Variants in DPF2 observed in about 807,000 individuals in gnomAD.
DPF2 encodes the protein zinc finger protein ubi-d4.
A neutral mutation model predicts 59.6 loss-of-function variants in DPF2; 10 were observed. The observed-to-expected ratio is 0.17, with a 90% CI of 0.10 to 0.28. The LOEUF (loss-of-function observed/expected upper bound fraction) is 0.28, where lower values mean the gene tolerates loss of function less well. Among genes scored for constraint, DPF2 ranks in the 10% least tolerant of loss-of-function variants. DPF2 has a pLI of 1.00. For synonymous variants in DPF2, 189 were observed against 190.6 expected (o/e 0.99, Z 0.07); for missense variants, 315 against 509.4 (o/e 0.62, Z 3.67).
Position 65,348,843 on chromosome 11 carries a change from A to C in DPF2, c.1018-7A>C. 6.2e-7 allele frequency: 1 copy of C among 1,614,016 alleles called. No homozygotes were observed. On this transcript the variant is annotated splice_region_variant and splice_polypyrimidine_tract_variant and intron_variant, in intron 9 of 10. Transcript: ENST00000528416. ...GTCCCCATCCTCTTCCCTCTTGCCT[A>C]CTTCAGGACCAGTTGCTCTTCTGTG...
rs1322281432 is a variant in DPF2, at chr11:65,354,136, C to T, written c.*2377C>T. ...GCGAGGCTGGAGAGCAGCTGGGCTG[C>T]GGGTCAAGACGTCTGCGTTTAATTC... is the stretch of plus-strand genomic sequence containing the variant. On this transcript the variant is annotated 3_prime_UTR_variant, in exon 11 of 11. Coordinates refer to ENST00000528416, the MANE Select transcript of DPF2 (RefSeq NM_006268.5). Among the ~76,000 whole-genome samples the T allele has an allele frequency of 6.6e-6, 1 of 152,116 alleles. No individual in the cohort carries two copies. The highest frequency in any genetic ancestry group is 2.4e-5 in the African/African-American group (1 of 41,422).
At chr11:65,345,046 T>C in intron 6 of DPF2, 1 of 193,944 alleles carries the variant, frequency 5.2e-6, no homozygotes, top group Non-Finnish European at 1.0e-5. Context: ...ACAAAATGCC[T>C]CATGGGGATC....
chr11:65,351,903 C>T lies in DPF2; in HGVS notation c.*144C>T. 1.1e-6 allele frequency: 1 copy of T among 917,590 alleles called. No homozygotes were observed. The highest frequency in any genetic ancestry group is 3.4e-4 in the Middle Eastern group (1 of 2,906). The allele number at this position is 917,590 out of a possible 1,614,324, so 56.8% of individuals were successfully genotyped here. ...GGTTGTGCCAGCCTGCCTTTGGCAG[C>T]TGCAAGCTGAGGTGGCAGCTCTGAC... is the stretch of plus-strand genomic sequence containing the variant. On this transcript the variant is annotated 3_prime_UTR_variant, in exon 11 of 11. Transcript: ENST00000528416.
chr11:65,344,495 C>G (rs968558093), intron 6 of DPF2: 1 of 1,390,804 alleles, frequency 7.2e-7, no homozygotes, highest in African/African-American at 1.4e-5. Flanking sequence ...GTTTCTCTCT[C>G]GTTTGCTCTG....
chr11:65,344,520 C>T (rs924676674), intron 6 of DPF2: 12 of 1,499,924 alleles, frequency 8.0e-6, no homozygotes, highest in Middle Eastern at 1.7e-4. Context: ...CCTGCTGCTG[C>T]TGCTCCTGTC....
chr11:65,344,961 C>T (rs1854486142), intron 6 of DPF2: 1 of 336,574 alleles, frequency 3.0e-6, no homozygotes, highest in Non-Finnish European at 5.4e-6. Flanking sequence ...GCCCCACCAC[C>T]TCCTCCTGCC....
intron 10 of DPF2, among the ~76,000 whole-genome samples, chr11:65,350,704 A>G (rs1854670894): frequency 6.6e-6 from 1 of 151,624 alleles, no homozygotes; most frequent in Non-Finnish European, 1.5e-5. Flanking sequence ...CCTTAAAAAT[A>G]TAAAAACTGG....
At position 65,345,684 on chromosome 11, in the gene DPF2, A is replaced by G. The variant is rs1170347354; in HGVS notation, c.656A>G (p.Lys219Arg). Reference protein sequence around the residue: ...YACDICGKRYKNRPGLSYHYA... With the variant: ...YACDICGKRYRNRPGLSYHYA... ...CACTCAGTTTGTGGAAAACGTTACA[A>G]GAACCGACCAGGCCTCAGTTACCAC... The change falls in exon 7 of 11, where the codon AAG becomes AGG. Residue 219 changes from lysine (K) to arginine (R), a missense_variant. Around this residue, in one of 4 missense-constraint regions of DPF2, gnomAD observed 2 missense variants for 23.6 expected, o/e 0.08. Coordinates refer to ENST00000528416, the MANE Select transcript of DPF2 (RefSeq NM_006268.5). The G allele has an allele frequency of 6.2e-7, 1 of 1,614,036 alleles. No homozygotes were observed. Among genetic ancestry groups the G allele is most frequent in the African/African-American group, 1.3e-5 (1 of 74,902 alleles).
chr11:65,346,375 C>A lies in DPF2; in HGVS notation c.1017+16C>A. 6.2e-7 allele frequency: 1 copy of A among 1,604,796 alleles called. No individual in the cohort carries two copies. Among genetic ancestry groups the A allele is most frequent in the African/African-American group, 1.3e-5 (1 of 74,738 alleles). On this transcript the variant is annotated intron_variant, in intron 9 of 10. Transcript: ENST00000528416. ...CGAGAATGACGTGTGTATCCCCGCCCCCTCCTCAGCATGGCTCCTTCTGGG... is the reference window on the plus strand; with the variant it reads ...CGAGAATGACGTGTGTATCCCCGCCACCTCCTCAGCATGGCTCCTTCTGGG...
Position 65,343,980 on chromosome 11 carries a change from C to T in DPF2, c.559-11C>T, listed in dbSNP as rs781314167. ...ACCAAAATAAGGGTGTCTCTTTGCT[C>T]TTCTTGGCAGGGTAAGGGTGTGGGC... On this transcript the variant is annotated splice_polypyrimidine_tract_variant and intron_variant, in intron 5 of 10. Transcript: ENST00000528416. 4.3e-6 allele frequency: 7 copies of T among 1,614,014 alleles called. No individual in the cohort carries two copies. The South Asian group carries it at 6.6e-5, about 15-fold the overall frequency.
rs7117137 is a variant in DPF2, at chr11:65,348,598, C to T, written c.1018-252C>T. 8.3e-3 allele frequency: 3,413 copies of T among 410,934 alleles called. 137 individuals carry two copies. The highest frequency in any genetic ancestry group is 0.076 in the African/African-American group (3,103 of 40,774). The allele number at this position is 410,934 out of a possible 1,614,324, so 25.5% of individuals were successfully genotyped here. On this transcript the variant is annotated intron_variant, in intron 9 of 10. Coordinates refer to ENST00000528416, the MANE Select transcript of DPF2 (RefSeq NM_006268.5). ...TGTCTCAAAAAAATATACCATAGAG[C>T]TTGGGCTTTAGGGAAAAAAAAAAAA... is the stretch of plus-strand genomic sequence containing the variant.
chr11:65,341,378 T>C, intron 3 of DPF2, 21 bp from the exon 4 acceptor site: 2 of 1,614,082 alleles, frequency 1.2e-6, no homozygotes, highest in Non-Finnish European at 1.7e-6. Flanking sequence ...GAGCCTTGCT[T>C]TATCCTGACC....
chr11:65,340,461 G>A lies in DPF2; in HGVS notation c.109G>A (p.Val37Met). 3.1e-6 allele frequency: 5 copies of A among 1,614,262 alleles called. No homozygotes were observed. The highest frequency in any genetic ancestry group is 1.6e-4 in the Middle Eastern group (1 of 6,062). Residue 37 changes from valine (V) to methionine (M), a missense_variant, in exon 2 of 11, where the codon GTG becomes ATG. This residue lies in a region of DPF2 where 228 missense variants were observed against 275.3 expected (regional missense o/e 0.83). Transcript: ENST00000528416. ...TGCTCGCCTCTGTGCTGAGCGCAGCGTGCGCCTGCCTTTCTTGGACTCACA... is the reference window on the plus strand; with the variant it reads ...TGCTCGCCTCTGTGCTGAGCGCAGCATGCGCCTGCCTTTCTTGGACTCACA... Reference protein sequence around the residue: ...YNARLCAERSVRLPFLDSQTG... With the variant: ...YNARLCAERSMRLPFLDSQTG...
intron 9 of DPF2, chr11:65,347,757 G>C (rs1441243600): frequency 1.3e-5 from 2 of 152,070 alleles, no homozygotes; most frequent in Non-Finnish European, 2.9e-5. Context: ...CCAGGTTCAA[G>C]CAATTCTCCT....
chr11:65,345,834 G>A (rs745799949), intron 7 of DPF2, 31 bp downstream of exon 7: 23 of 1,613,638 alleles, frequency 1.4e-5, no homozygotes, highest in Non-Finnish European at 1.9e-5. Context: ...TGGTGGGCAA[G>A]CAGAAGTTGG....
At chr11:65,340,251 G>A in intron 1 of DPF2, 134 bp from the exon 2 acceptor site, 1 of 991,262 alleles carries the variant, frequency 1.0e-6, no homozygotes, top group Admixed American at 2.5e-5. Flanking sequence ...CAGAAGTGGA[G>A]GCAAATAGAA....
chr11:65,349,306 C>A (rs1199387898), intron 10 of DPF2, among the ~76,000 whole-genome samples: 1 of 152,150 alleles, frequency 6.6e-6, no homozygotes, highest in Non-Finnish European at 1.5e-5. Context: ...ATTTCCTATC[C>A]CTTCCCCTTC....
chr11:65,340,290 G>C (rs1854324392), intron 1 of DPF2, 95 bp from the exon 2 acceptor site: 2 of 1,453,480 alleles, frequency 1.4e-6, no homozygotes. Flanking sequence ...AGTCCCTTGA[G>C]CCTTCTAGAG....
At chr11:65,348,800 A>C (rs1296361739) in intron 9 of DPF2, 50 bp from the exon 10 acceptor site, 1 of 1,592,692 alleles carries the variant, frequency 6.3e-7, no homozygotes, top group East Asian at 2.2e-5. Flanking sequence ...TAGTGGCCTG[A>C]GGCACATCAG....
Sources: allele counts gnomAD v4.1 joint callset (sites outside exome capture counted in the v4.1 genomes callset), GRCh38; gene constraint gnomAD v4.1.1; regional missense constraint gnomAD v4.1.1; transcripts MANE v1.5; gene names NCBI Gene and HGNC (gene_info 2026-07-23, HGNC 2026-07-21).